PARD3B: variants seen among roughly 807,000 people sequenced by gnomAD.
PARD3B encodes the protein par-3 family cell polarity regulator beta, also known as partitioning defective 3 homolog B.
PARD3B carries 103 observed loss-of-function variants against 130.2 expected under a neutral mutation model. That is an observed-to-expected ratio of 0.79 (90% CI 0.67 to 0.93). The LOEUF is 0.93. Among genes scored for constraint, PARD3B ranks in the 40% least tolerant of loss-of-function variants. PARD3B has a pLI of 0.00. For missense variants in PARD3B, 1,609 were observed against 1,499.2 expected (o/e 1.07, Z -1.21); for synonymous variants, 583 against 553.2 (o/e 1.05, Z -0.76).
chr2:205,557,915 T>TAG (rs2052964742), intron 22 of PARD3B, among the ~76,000 whole-genome samples: 1 of 152,036 alleles, frequency 6.6e-6, no homozygotes, highest in African/African-American at 2.4e-5. Flanking sequence ...CCTACTATCA[T>TAG]AGATGCACAA....
At chr2:204,964,217 A>G (rs1456867071) in intron 2 of PARD3B, among the ~76,000 whole-genome samples, 1 of 152,144 alleles carries the variant, frequency 6.6e-6, no homozygotes, top group Non-Finnish European at 1.5e-5. Flanking sequence ...TGCCTCATTT[A>G]CTCACATTTG....
intron 18 of PARD3B, among the ~76,000 whole-genome samples, chr2:205,390,434 G>A (rs775989744): frequency 6.6e-6 from 1 of 152,138 alleles, no homozygotes; most frequent in African/African-American, 2.4e-5. Context: ...AGATAAATAT[G>A]ATTTCAGCTG....
intron 18 of PARD3B, among the ~76,000 whole-genome samples, chr2:205,383,109 T>TAGATAGATAGATAGATAGATAGAG (rs1553500317): frequency 0.016 from 2,362 of 144,846 alleles, 41 homozygotes; most frequent in Admixed American, 0.023. Context: ...GATAGATAGA[T>TAGATAGATAGATAGATAGATAGAG]AGATAGATAG....
chr2:205,507,915 A>G (rs564131876), intron 21 of PARD3B, among the ~76,000 whole-genome samples: 43 of 152,362 alleles, frequency 2.8e-4, no homozygotes, highest in South Asian at 2.3e-3. Flanking sequence ...CCAGGAACCC[A>G]GATGATGTCA....
At chr2:204,940,623 A>G (rs1211504438) in intron 2 of PARD3B, among the ~76,000 whole-genome samples, 1 of 152,168 alleles carries the variant, frequency 6.6e-6, no homozygotes, top group Non-Finnish European at 1.5e-5. Context: ...ATTAGCAGGT[A>G]CTGCTTGGGA....
rs78560485 is a variant in PARD3B, at chr2:205,091,875, C to G, written c.505-12551C>G. On this transcript the variant is annotated intron_variant, in intron 4 of 22. Coordinates refer to ENST00000406610, the MANE Select transcript of PARD3B (RefSeq NM_001302769.2). This position sits in a 1 kb window ranked among gnomAD's most constrained non-coding sequence, Gnocchi z 4.2. Reference sequence around the variant, plus strand: ...TTTTTTCATCTCTGTATCTCCAGTGCTTAGCACTGGAGCAAAGGGGACCCT... The same window carrying G: ...TTTTTTCATCTCTGTATCTCCAGTGGTTAGCACTGGAGCAAAGGGGACCCT... Among the ~76,000 whole-genome samples, 71 of 152,240 alleles carry G rather than the reference C, an allele frequency of 4.7e-4. 1 individual carries two copies. In the East Asian group the frequency reaches 0.014, roughly 29 times the overall value.
chr2:205,445,215 ATC>A (rs1413539094), intron 20 of PARD3B, among the ~76,000 whole-genome samples: 5 of 152,162 alleles, frequency 3.3e-5, no homozygotes, highest in African/African-American at 1.2e-4. Flanking sequence ...TTTATCCTAG[ATC>A]TCTGTGTTCT....
chr2:205,404,077 A>G (rs1420907256), intron 19 of PARD3B, among the ~76,000 whole-genome samples: 1 of 152,218 alleles, frequency 6.6e-6, no homozygotes, highest in Non-Finnish European at 1.5e-5. Context: ...AAAACCATAC[A>G]TAACTCTACC....
Position 205,259,328 on chromosome 2 carries a change from T to C in PARD3B, c.2185+13506T>C, listed in dbSNP as rs1574526870. Among the ~76,000 whole-genome samples, 3 of 152,292 alleles carry C rather than the reference T, an allele frequency of 2.0e-5. No individual in the cohort carries two copies. The East Asian group carries it at 5.8e-4, about 29-fold the overall frequency. ...ACTGTTTTGTTTATTAGAACATGTA[T>C]TTTCCTTGGCAACTAGTTTTTGTTG... On this transcript the variant is annotated intron_variant, in intron 16 of 22. Transcript: ENST00000406610.
rs745591407 is a variant in PARD3B at position 204,777,593 on chromosome 2, C to A, written c.222+91311C>A. On this transcript the variant is annotated intron_variant, in intron 2 of 22. Coordinates refer to ENST00000406610, the MANE Select transcript of PARD3B (RefSeq NM_001302769.2). ...GACTGGCCTCAGCAACATAGTGAGACCCTGTCTCTACAAAAAATTAAAAAA... is the reference window on the plus strand; with the variant it reads ...GACTGGCCTCAGCAACATAGTGAGAACCTGTCTCTACAAAAAATTAAAAAA... Among the ~76,000 whole-genome samples, 67 of 152,026 alleles carry A rather than the reference C, an allele frequency of 4.4e-4. 2 individuals are homozygous for A. The highest frequency in any genetic ancestry group is 5.4e-4 in the Non-Finnish European group (37 of 68,018).
At chr2:204,765,551 G>A (rs997186115) in intron 2 of PARD3B, among the ~76,000 whole-genome samples, 4 of 152,140 alleles carry the variant, frequency 2.6e-5, no homozygotes, top group African/African-American at 9.7e-5. Flanking sequence ...CAAATAGTCT[G>A]AGGCATTAAT....
chr2:204,574,901 G>A (rs902776595), intron 1 of PARD3B, among the ~76,000 whole-genome samples: 8 of 152,166 alleles, frequency 5.3e-5, no homozygotes, highest in Non-Finnish European at 8.8e-5. Flanking sequence ...AACAGCATAC[G>A]CTTTACTAAA....
intron 21 of PARD3B, among the ~76,000 whole-genome samples, chr2:205,517,483 G>T (rs1031316848): frequency 1.3e-5 from 2 of 151,774 alleles, no homozygotes; most frequent in Non-Finnish European, 2.9e-5. Flanking sequence ...TTCTTTATTA[G>T]TCTAGCTACC....
intron 2 of PARD3B, among the ~76,000 whole-genome samples, chr2:204,952,545 CA>C (rs1284832872): frequency 6.6e-6 from 1 of 151,364 alleles, no homozygotes; most frequent in Non-Finnish European, 1.5e-5. Flanking sequence ...GGTAAACTGG[CA>C]AAAAATAAAT....
chr2:205,307,600 G>T (rs575191643), intron 18 of PARD3B, among the ~76,000 whole-genome samples: 1 of 152,266 alleles, frequency 6.6e-6, no homozygotes, highest in Admixed American at 6.5e-5. Flanking sequence ...CAAGCCCATT[G>T]CTGTCAGTCC....
In PARD3B at chr2:205,338,058, G is replaced by A. The variant is rs929570240; in HGVS notation, c.2630+36357G>A. On this transcript the variant is annotated intron_variant, in intron 18 of 22. Transcript: ENST00000406610. ...AATCCCAGCTACTCGGGAGGCTGAG[G>A]CAGAGAATTGCTTCAACTCAGGAGG... is the stretch of plus-strand genomic sequence containing the variant. Among the ~76,000 whole-genome samples, 6 of 149,738 alleles carry A rather than the reference G, an allele frequency of 4.0e-5. No individual in the cohort carries two copies. The East Asian group carries it at 9.9e-4, about 25-fold the overall frequency.
chr2:205,567,298 T>G (rs892974626), intron 22 of PARD3B, among the ~76,000 whole-genome samples: 8 of 136,632 alleles, frequency 5.9e-5, no homozygotes, highest in Non-Finnish European at 9.2e-5. Flanking sequence ...ATATAGAACA[T>G]TCCTTGTTTT....
Position 205,575,113 on chromosome 2 carries a change from A to ACACACACACACG in PARD3B, c.3260+21711_3260+21712insACACACACACGC, listed in dbSNP as rs141496657. The stretch of plus-strand genomic sequence containing the variant: ...CACACACACACACACACACACACAC[A>ACACACACACACG]CGCGTACACTATATATAAAAATATA... On this transcript the variant is annotated intron_variant, in intron 22 of 22. Coordinates refer to ENST00000406610, the MANE Select transcript of PARD3B (RefSeq NM_001302769.2). This position sits in a 1 kb window ranked among gnomAD's most constrained non-coding sequence, Gnocchi z 4.6. Among the ~76,000 whole-genome samples, 7 of 126,286 alleles carry ACACACACACACG rather than the reference A, an allele frequency of 5.5e-5. No homozygotes were observed. Among genetic ancestry groups the ACACACACACACG allele is most frequent in the Non-Finnish European group, 1.1e-4 (6 of 56,388 alleles). 82.8% of individuals were successfully genotyped at this position (126,286 alleles called of 152,430 possible). A position where few individuals can be genotyped will look rare whatever the true frequency, so the allele number is the denominator to read the frequency against.
chr2:204,910,824 A>G (rs2047207639), intron 2 of PARD3B, among the ~76,000 whole-genome samples: 1 of 152,064 alleles, frequency 6.6e-6, no homozygotes, highest in South Asian at 2.1e-4. Context: ...TGTATTTTTC[A>G]GTAGAGACTG....
Sources: allele counts gnomAD v4.1 joint callset (sites outside exome capture counted in the v4.1 genomes callset), GRCh38; gene constraint gnomAD v4.1.1; non-coding constraint Gnocchi (gnomAD v3.1); transcripts MANE v1.5; gene names NCBI Gene and HGNC (gene_info 2026-07-23, HGNC 2026-07-21).